GSK3B: variants seen among roughly 807,000 people sequenced by gnomAD.
GSK3B encodes the protein glycogen synthase kinase-3 beta.
In GSK3B, 15 loss-of-function variants were observed where a neutral mutation model predicts 56.4. The observed-to-expected ratio is 0.27, with a 90% CI of 0.18 to 0.41. GSK3B has a LOEUF of 0.41. GSK3B is among the 10% of genes least tolerant of loss of function. GSK3B has a pLI of 1.00. For synonymous variants in GSK3B, 181 were observed against 188.9 expected (o/e 0.96, Z 0.34); for missense variants, 300 against 513.4 (o/e 0.58, Z 4.02).
At chr3:119,863,164 AC>A in intron 9 of GSK3B, among the ~76,000 whole-genome samples, 1 of 152,348 alleles carries the variant, frequency 6.6e-6, no homozygotes, top group Admixed American at 6.5e-5. Context: ...ACTCTCTGTA[AC>A]TTCTCATGTG....
At chr3:119,922,522 A>G (rs1179449800) in intron 4 of GSK3B, among the ~76,000 whole-genome samples, 1 of 147,526 alleles carries the variant, frequency 6.8e-6, no homozygotes, top group Non-Finnish European at 1.5e-5. Flanking sequence ...AAGAACTTCT[A>G]TTATTATTAT....
chr3:119,837,487 C>T (rs544256149), intron 10 of GSK3B, among the ~76,000 whole-genome samples: 2 of 152,076 alleles, frequency 1.3e-5, no homozygotes, highest in East Asian at 1.9e-4. Flanking sequence ...TAGAGTGATG[C>T]AAAGATAAAA....
At chr3:119,901,977 GAAAGAAAATGA>G (rs139324927) in intron 7 of GSK3B, among the ~76,000 whole-genome samples, 36,642 of 151,756 alleles carry the variant, frequency 0.24, 4,848 homozygotes, top group East Asian at 0.48. Flanking sequence ...AGGTTTTCTA[GAAAGAAAATGA>G]AAAGAAAGCA....
chr3:120,007,259 CAAT>C (rs923586803), intron 1 of GSK3B, among the ~76,000 whole-genome samples: 1 of 152,066 alleles, frequency 6.6e-6, no homozygotes, highest in African/African-American at 2.4e-5. Flanking sequence ...GAAATTTAGG[CAAT>C]AATTAATAGC....
chr3:119,990,182 T>C (rs1274489474), intron 2 of GSK3B, among the ~76,000 whole-genome samples: 2 of 151,760 alleles, frequency 1.3e-5, no homozygotes, highest in South Asian at 2.1e-4. Context: ...CCCGCTCCAG[T>C]TGGAAAGATG....
chr3:119,976,785 AT>A (rs67701626), intron 2 of GSK3B, among the ~76,000 whole-genome samples: 10,900 of 143,608 alleles, frequency 0.076, 483 homozygotes, highest in African/African-American at 0.14. Flanking sequence ...AAAAAAAAAA[AT>A]AGAAAGGTTT....
chr3:120,062,290 T>A (rs2058244257), intron 1 of GSK3B, among the ~76,000 whole-genome samples: 1 of 152,228 alleles, frequency 6.6e-6, no homozygotes, highest in South Asian at 2.1e-4. Context: ...ATTAGACTTG[T>A]TTAAAGTATG....
intron 8 of GSK3B, among the ~76,000 whole-genome samples, chr3:119,870,660 G>A (rs1208178434): frequency 6.6e-6 from 1 of 152,206 alleles, no homozygotes; most frequent in African/African-American, 2.4e-5. Context: ...AGTGGCTTTA[G>A]AAAGGGAGAG....
At chr3:119,955,210 A>C in intron 2 of GSK3B, among the ~76,000 whole-genome samples, 1 of 151,454 alleles carries the variant, frequency 6.6e-6, no homozygotes, top group East Asian at 1.9e-4. Flanking sequence ...CAGTAAATTC[A>C]GTTGCCCTAA....
chr3:119,910,287 A>G (rs1161809054), intron 6 of GSK3B, among the ~76,000 whole-genome samples: 1 of 152,210 alleles, frequency 6.6e-6, no homozygotes, highest in Non-Finnish European at 1.5e-5. Context: ...CTATACAGGC[A>G]TACGTCAGAG....
chr3:119,828,943 G>A (rs1291402770), intron 10 of GSK3B, among the ~76,000 whole-genome samples: 1 of 152,182 alleles, frequency 6.6e-6, no homozygotes, highest in Non-Finnish European at 1.5e-5. Flanking sequence ...GGTTCATATA[G>A]CCCATGTAAT....
chr3:120,089,147 T>C (rs1032945194), intron 1 of GSK3B, among the ~76,000 whole-genome samples: 3 of 152,250 alleles, frequency 2.0e-5, no homozygotes, highest in East Asian at 1.9e-4. Flanking sequence ...AATGAGAAGA[T>C]GTCACCTCAT....
chr3:119,915,681 T>A (rs910792100), intron 5 of GSK3B, among the ~76,000 whole-genome samples: 1 of 152,050 alleles, frequency 6.6e-6, no homozygotes, highest in African/African-American at 2.4e-5. Context: ...TCACAGAGAG[T>A]TGCCTCATTC....
intron 9 of GSK3B, among the ~76,000 whole-genome samples, chr3:119,861,360 A>G (rs550206010): frequency 6.6e-6 from 1 of 152,072 alleles, no homozygotes; most frequent in East Asian, 1.9e-4. Context: ...AAAATACAAA[A>G]ATTAGCCAGG....
chr3:120,005,523 G>A (rs1199577875), intron 1 of GSK3B, among the ~76,000 whole-genome samples: 1 of 152,208 alleles, frequency 6.6e-6, no homozygotes, highest in African/African-American at 2.4e-5. Flanking sequence ...AGGGCAGCCA[G>A]AGAAAGGTTG....
intron 2 of GSK3B, among the ~76,000 whole-genome samples, chr3:119,978,097 C>T (rs1022308390): frequency 1.3e-5 from 2 of 152,130 alleles, no homozygotes; most frequent in African/African-American, 4.8e-5. Context: ...CTAAAATTCA[C>T]CTTAATAAGA....
chr3:120,063,407 C>T (rs1394842823), intron 1 of GSK3B, among the ~76,000 whole-genome samples: 1 of 152,058 alleles, frequency 6.6e-6, no homozygotes, highest in Admixed American at 6.5e-5. Flanking sequence ...CCCTAATGTC[C>T]ATCAATATGG....
intron 4 of GSK3B, among the ~76,000 whole-genome samples, chr3:119,920,551 TC>T (rs1369118822): frequency 2.2e-4 from 34 of 152,276 alleles, no homozygotes; most frequent in African/African-American, 8.2e-4. Context: ...CCTCAGTGTT[TC>T]TTTAGAACAG....
At position 119,823,008 on chromosome 3, in the gene GSK3B, T is replaced by C. The variant is rs2055437277; in HGVS notation, c.*3780A>G. On this transcript the variant is annotated 3_prime_UTR_variant, in exon 11 of 11. Coordinates refer to ENST00000264235, the MANE Select transcript of GSK3B (RefSeq NM_001146156.2). ...AGATGACTGGTTAGGCATACATTGT[T>C]AAAACATAAACCAAAAATGTGTCTA... 4.3e-6 allele frequency: 1 copy of C among 229,922 alleles called. No individual in the cohort carries two copies. Among genetic ancestry groups the C allele is most frequent in the Non-Finnish European group, 8.6e-6 (1 of 116,046 alleles). 14.2% of individuals were successfully genotyped at this position (229,922 alleles called of 1,614,324 possible). A position where few individuals can be genotyped will look rare whatever the true frequency, so the allele number is the denominator to read the frequency against.
Sources: allele counts gnomAD v4.1 joint callset (sites outside exome capture counted in the v4.1 genomes callset), GRCh38; gene constraint gnomAD v4.1.1; transcripts MANE v1.5; gene names NCBI Gene and HGNC (gene_info 2026-07-23, HGNC 2026-07-21).